Variants in SORCS1 observed in about 807,000 individuals in gnomAD.
SORCS1 encodes the protein sortilin related VPS10 domain containing receptor 1.
Under a neutral mutation model 146.1 loss-of-function variants are expected in SORCS1, and 60 were observed. The ratio of observed to expected loss-of-function variants is 0.41; its 90% CI spans 0.33 to 0.51. The LOEUF (loss-of-function observed/expected upper bound fraction) is 0.51, where lower values mean the gene tolerates loss of function less well. Among genes scored for constraint, SORCS1 ranks in the 20% least tolerant of loss-of-function variants. The probability of loss-of-function intolerance (pLI) is 0.21; values close to 1 mark genes in which losing one functional copy is unlikely to be tolerated. For synonymous variants in SORCS1, 637 were observed against 584.0 expected (o/e 1.09, Z -1.31); for missense variants, 1,352 against 1,487.6 (o/e 0.91, Z 1.50).
At chr10:107,122,918 C>A (rs570782613) in intron 1 of SORCS1, among the ~76,000 whole-genome samples, 1 of 152,138 alleles carries the variant, frequency 6.6e-6, no homozygotes, top group African/African-American at 2.4e-5. Flanking sequence ...CAGTATCAGT[C>A]ATTTTGACAA....
At chr10:107,083,763 G>T (rs886432891) in intron 1 of SORCS1, among the ~76,000 whole-genome samples, 2 of 152,190 alleles carry the variant, frequency 1.3e-5, no homozygotes, top group African/African-American at 4.8e-5. Context: ...GAGGATGAGG[G>T]CTGCATATGA....
chr10:106,910,095 C>A (rs959695714), intron 2 of SORCS1, among the ~76,000 whole-genome samples: 1 of 152,176 alleles, frequency 6.6e-6, no homozygotes, highest in African/African-American at 2.4e-5. Context: ...CAATTCTATT[C>A]TCTGTGGCTT....
intron 2 of SORCS1, among the ~76,000 whole-genome samples, chr10:106,889,500 A>G (rs966898657): frequency 6.6e-6 from 1 of 152,158 alleles, no homozygotes; most frequent in African/African-American, 2.4e-5. Flanking sequence ...ACGGTGGCTC[A>G]TGCCTGTAAT....
intron 2 of SORCS1, among the ~76,000 whole-genome samples, chr10:106,918,199 C>T (rs527550547): frequency 8.5e-5 from 13 of 152,236 alleles, no homozygotes; most frequent in Admixed American, 3.3e-4. Flanking sequence ...CTCGCTCTGT[C>T]GCCCAGGCTG....
At chr10:106,608,442 T>G (rs1224779472) in intron 22 of SORCS1, among the ~76,000 whole-genome samples, 7 of 152,228 alleles carry the variant, frequency 4.6e-5, no homozygotes, top group Admixed American at 6.5e-5. Context: ...TGAACTCCAC[T>G]GTGCTGCATT....
intron 2 of SORCS1, among the ~76,000 whole-genome samples, chr10:106,934,632 T>A (rs751473316): frequency 6.6e-6 from 1 of 152,150 alleles, no homozygotes; most frequent in Non-Finnish European, 1.5e-5. Context: ...GGTATCACAA[T>A]TCACAATTGC....
chr10:107,023,313 T>C (rs540996813), intron 1 of SORCS1, among the ~76,000 whole-genome samples: 1 of 152,290 alleles, frequency 6.6e-6, no homozygotes, highest in Non-Finnish European at 1.5e-5. Context: ...ACCGAAACGA[T>C]CAAGGGCTCT....
At chr10:106,944,600 G>A (rs822080) in intron 2 of SORCS1, among the ~76,000 whole-genome samples, 113,207 of 152,096 alleles carry the variant, frequency 0.74, 42,961 homozygotes, top group African/African-American at 0.91. Flanking sequence ...GATCTTCTTT[G>A]TATCTGGATT....
chr10:107,082,585 A>T (rs1403759492), intron 1 of SORCS1, among the ~76,000 whole-genome samples: 4 of 151,712 alleles, frequency 2.6e-5, no homozygotes, highest in Non-Finnish European at 5.9e-5. Context: ...TCAAGCAATT[A>T]TCCTGCCTCA....
At chr10:106,928,332 C>T (rs915612304) in intron 2 of SORCS1, among the ~76,000 whole-genome samples, 4 of 152,242 alleles carry the variant, frequency 2.6e-5, no homozygotes, top group African/African-American at 9.6e-5. Context: ...ACACCCTCCG[C>T]AGCCGCTGGC....
chr10:107,150,248 G>A (rs777703482), intron 1 of SORCS1, among the ~76,000 whole-genome samples: 20 of 152,180 alleles, frequency 1.3e-4, no homozygotes, highest in African/African-American at 4.3e-4. Flanking sequence ...TTAAAGAAAC[G>A]CATGCCCATG....
the SORCS1 span, among the ~76,000 whole-genome samples, chr10:107,179,904 CTTTTTTTTTTTTTTTTTT>C: frequency 5.9e-5 from 3 of 51,248 alleles, no homozygotes; most frequent in South Asian, 1.3e-3. Flanking sequence ...ACAAAACAGA[CTTTTTTTTTTTTTTTTTT>C]TTTTTTTTTT....
intron 2 of SORCS1, among the ~76,000 whole-genome samples, chr10:106,883,398 A>G (rs1299292485): frequency 6.6e-6 from 1 of 150,562 alleles, no homozygotes; most frequent in African/African-American, 2.5e-5. Context: ...CATCATTTAA[A>G]AATATAATTA....
At chr10:107,111,138 A>G (rs1287248585) in intron 1 of SORCS1, among the ~76,000 whole-genome samples, 1 of 152,250 alleles carries the variant, frequency 6.6e-6, no homozygotes. Context: ...ATGCATAGCC[A>G]TCAATGCAAG....
intron 2 of SORCS1, among the ~76,000 whole-genome samples, chr10:106,881,613 CCTATTAT>C (rs1564768680): frequency 1.3e-5 from 2 of 152,122 alleles, no homozygotes; most frequent in African/African-American, 4.8e-5. Context: ...AAAACTGGAA[CCTATTAT>C]CTATCTACAA....
Position 106,801,826 on chromosome 10 carries a change from A to G in SORCS1, c.727-25134T>C, listed in dbSNP as rs928035203. The stretch of plus-strand genomic sequence containing the variant: ...ATTACAGGCGTGAGCCACCGTGCCC[A>G]GCTAGTATAGACGACAGTTTACAGA... On this transcript the variant is annotated intron_variant, in intron 3 of 25. Coordinates refer to ENST00000263054, the MANE Select transcript of SORCS1 (RefSeq NM_052918.5). 2.6e-5 allele frequency among the ~76,000 whole-genome samples: 4 copies of G among 152,196 alleles called. No homozygotes were observed. In the East Asian group the frequency reaches 7.7e-4, roughly 29 times the overall value.
At position 106,574,037 on chromosome 10, in the gene SORCS1, C is replaced by T. The variant is rs978875411; in HGVS notation, c.*3383G>A. 3.5e-5 allele frequency: 5 copies of T among 144,666 alleles called. No individual in the cohort carries two copies. The highest frequency in any genetic ancestry group is 2.9e-4 in the Admixed American group (4 of 14,030). 9.0% of individuals were successfully genotyped at this position (144,666 alleles called of 1,614,324 possible). ...TTTAAAATTAGAAGTAGTTCCAATA[C>T]TATAAGAAAACTTTTTTTTTTTTTA... is the stretch of plus-strand genomic sequence containing the variant. On this transcript the variant is annotated 3_prime_UTR_variant, in exon 26 of 26. Transcript: ENST00000263054.
chr10:106,632,937 A>T (rs1348707931), intron 18 of SORCS1, among the ~76,000 whole-genome samples: 1 of 152,148 alleles, frequency 6.6e-6, no homozygotes, highest in Admixed American at 6.5e-5. Flanking sequence ...CAAGTGAGAG[A>T]GTGCAGGCCA....
At chr10:107,094,031 C>T (rs72812990) in intron 1 of SORCS1, among the ~76,000 whole-genome samples, 1,668 of 152,226 alleles carry the variant, frequency 0.011, 15 homozygotes, top group South Asian at 0.02. Context: ...TTTAAAACTT[C>T]GAAAACCCCA....
Sources: allele counts gnomAD v4.1 joint callset (sites outside exome capture counted in the v4.1 genomes callset), GRCh38; gene constraint gnomAD v4.1.1; transcripts MANE v1.5; gene names NCBI Gene and HGNC (gene_info 2026-07-23, HGNC 2026-07-21).